Variants in ITCH observed in about 807,000 individuals in gnomAD.
ITCH encodes E3 ubiquitin-protein ligase Itchy homolog.
ITCH carries 28 observed loss-of-function variants against 126.8 expected under a neutral mutation model. The observed-to-expected ratio is 0.22, with a 90% CI of 0.16 to 0.30. The LOEUF (loss-of-function observed/expected upper bound fraction) is 0.30, where lower values mean the gene tolerates loss of function less well. ITCH is among the 10% of genes least tolerant of loss of function. The pLI, the probability that ITCH is intolerant of heterozygous loss-of-function variation, is 1.00. For synonymous variants in ITCH, 342 were observed against 340.0 expected, an observed-to-expected ratio of 1.01 and a Z score of -0.06; for missense variants, 631 against 1,032.4, an observed-to-expected ratio of 0.61 and a Z score of 5.33.
At chr20:34,427,109 C>G (rs1981641573) in intron 7 of ITCH, among the ~76,000 whole-genome samples, 2 of 152,150 alleles carry the variant, frequency 1.3e-5, no homozygotes, top group Admixed American at 1.3e-4. Context: ...AAGTTAAAGA[C>G]AACTCATCAA....
At chr20:34,369,341 C>CAAAG in intron 1 of ITCH, 53 bp from the exon 2 acceptor site, 1 of 397,478 alleles carries the variant, frequency 2.5e-6, no homozygotes. Context: ...CAAAAACAAA[C>CAAAG]AAACAAAAAA....
chr20:34,454,067 C>CT (rs1985574729), intron 12 of ITCH, among the ~76,000 whole-genome samples: 1 of 151,896 alleles, frequency 6.6e-6, no homozygotes, highest in South Asian at 2.1e-4. Context: ...TTTAATGCGA[C>CT]TGCCAAGACA....
At chr20:34,471,796 T>TGTGTGTGTGTGTGTGTGTG (rs58040161) in intron 16 of ITCH, among the ~76,000 whole-genome samples, 5 of 150,276 alleles carry the variant, frequency 3.3e-5, no homozygotes, top group African/African-American at 1.2e-4. Context: ...TGTGTGTGTG[T>TGTGTGTGTGTGTGTGTGTG]TTCAGGTTTC....
At chr20:34,469,000 T>C (rs1269273445) in intron 14 of ITCH, among the ~76,000 whole-genome samples, 1 of 152,162 alleles carries the variant, frequency 6.6e-6, no homozygotes. Context: ...TCTACACTGA[T>C]ATACATTGAA....
At chr20:34,399,409 A>C (rs2038791870) in intron 3 of ITCH, among the ~76,000 whole-genome samples, 1 of 152,188 alleles carries the variant, frequency 6.6e-6, no homozygotes, top group Admixed American at 6.5e-5. Context: ...AAATAAATAA[A>C]ATAAAAATAA....
At chr20:34,460,956 G>A (rs907710143) in intron 13 of ITCH, among the ~76,000 whole-genome samples, 2 of 151,862 alleles carry the variant, frequency 1.3e-5, no homozygotes, top group African/African-American at 2.4e-5. Context: ...AGGAGTTTGA[G>A]GCTGCAGTGA....
intron 2 of ITCH, among the ~76,000 whole-genome samples, chr20:34,374,409 T>C (rs1331359864): frequency 6.6e-6 from 1 of 152,338 alleles, no homozygotes; most frequent in East Asian, 1.9e-4. Flanking sequence ...GCCTTAGTTT[T>C]CTCATCTGTA....
At chr20:34,411,376 G>A (rs1332321613) in intron 4 of ITCH, among the ~76,000 whole-genome samples, 1 of 152,040 alleles carries the variant, frequency 6.6e-6, no homozygotes, top group East Asian at 1.9e-4. Flanking sequence ...CTGGTCTCAA[G>A]CTCCTGACCT....
chr20:34,450,451 T>C (rs1045116367), intron 12 of ITCH, among the ~76,000 whole-genome samples: 1 of 152,194 alleles, frequency 6.6e-6, no homozygotes, highest in Non-Finnish European at 1.5e-5. Context: ...TGTGCTGTTA[T>C]TGAGTATATC....
At chr20:34,454,817 G>GTTTTTTT (rs200486269) in intron 12 of ITCH, among the ~76,000 whole-genome samples, 27 of 109,542 alleles carry the variant, frequency 2.5e-4, no homozygotes, top group African/African-American at 7.2e-4. Context: ...TTCTTTTCCT[G>GTTTTTTT]TTTTTTTTTT....
At chr20:34,413,670 A>G in intron 5 of ITCH, 72 bp from the exon 6 acceptor site, 1 of 1,368,720 alleles carries the variant, frequency 7.3e-7, no homozygotes, top group Non-Finnish European at 1.0e-6. Context: ...TTTAACAGTT[A>G]ATTTTTAACA....
chr20:34,454,862 T>C (rs1375348727), intron 12 of ITCH, among the ~76,000 whole-genome samples: 1 of 143,006 alleles, frequency 7.0e-6, no homozygotes, highest in African/African-American at 2.6e-5. Context: ...GGAGTTTTGC[T>C]CTTGTCGCCC....
rs1978369209 is a variant in ITCH at position 34,508,275 on chromosome 20, C to T, written c.*481C>T. 2 of 182,814 alleles carry T rather than the reference C, an allele frequency of 1.1e-5. No homozygotes were observed. The highest frequency in any genetic ancestry group is 1.1e-4 in the South Asian group (1 of 9,034). The allele number at this position is 182,814 out of a possible 1,614,324, so 11.3% of individuals were successfully genotyped here. A position where few individuals can be genotyped will look rare whatever the true frequency, so the allele number is the denominator to read the frequency against. On this transcript the variant is annotated 3_prime_UTR_variant, in exon 25 of 25. Transcript: ENST00000374864. ...GAGCAAAATTCGGGCTTGTGTTCTC[C>T]CTCTCATTTTAGTCTGACTTGACTA...
intron 7 of ITCH, among the ~76,000 whole-genome samples, chr20:34,437,914 A>T (rs1983230769): frequency 1.3e-5 from 2 of 152,226 alleles, no homozygotes; most frequent in South Asian, 2.1e-4. Flanking sequence ...CAGCTCCTTT[A>T]AAAAAAGTCT....
At chr20:34,487,452 TTTC>T (rs1207964117) in intron 20 of ITCH, among the ~76,000 whole-genome samples, 2 of 152,208 alleles carry the variant, frequency 1.3e-5, no homozygotes, top group Non-Finnish European at 2.9e-5. Context: ...TTGCTATTTG[TTTC>T]TTATTTTTCC....
intron 3 of ITCH, among the ~76,000 whole-genome samples, chr20:34,406,550 T>C (rs1177407346): frequency 8.6e-5 from 13 of 151,890 alleles, no homozygotes; most frequent in African/African-American, 2.9e-4. Context: ...TTTTTTTTTT[T>C]TCGAGATGGA....
chr20:34,501,777 C>CTCA (rs1555886540), intron 23 of ITCH, among the ~76,000 whole-genome samples: 1 of 104,568 alleles, frequency 9.6e-6, no homozygotes, highest in Non-Finnish European at 1.8e-5. Flanking sequence ...CTCCATCTCT[C>CTCA]AAAAAAAAAA....
rs35400372 is a variant in ITCH at position 34,434,068 on chromosome 20, G to A, written c.522-4406G>A. 6.8e-3 allele frequency among the ~76,000 whole-genome samples: 1,042 copies of A among 152,314 alleles called. 9 individuals carry two copies. Among genetic ancestry groups the A allele is most frequent in the Middle Eastern group, 0.014 (4 of 294 alleles). The stretch of plus-strand genomic sequence containing the variant: ...AAGTGGGCAGATAGCCTGAACCCTG[G>A]AGTTTGAAACTAGCATGGGCAACAT... On this transcript the variant is annotated intron_variant, in intron 7 of 24. Coordinates refer to ENST00000374864, the MANE Select transcript of ITCH (RefSeq NM_031483.7).
intron 2 of ITCH, among the ~76,000 whole-genome samples, chr20:34,383,255 G>A (rs936262106): frequency 1.3e-5 from 2 of 151,910 alleles, no homozygotes; most frequent in Non-Finnish European, 2.9e-5. Context: ...TGTTGCCCAG[G>A]CTGGTGTTGA....
Sources: allele counts gnomAD v4.1 joint callset (sites outside exome capture counted in the v4.1 genomes callset), GRCh38; gene constraint gnomAD v4.1.1; transcripts MANE v1.5; gene names NCBI Gene and HGNC (gene_info 2026-07-23, HGNC 2026-07-21).